SNTG1: variants seen among roughly 807,000 people sequenced by gnomAD.
The protein encoded by SNTG1 is syntrophin gamma 1.
Under a neutral mutation model 74.7 loss-of-function variants are expected in SNTG1, and 39 were observed. The ratio of observed to expected loss-of-function variants is 0.52; its 90% CI spans 0.40 to 0.68. SNTG1 has a LOEUF of 0.68. Among genes scored for constraint, SNTG1 ranks in the 30% least tolerant of loss-of-function variants. The pLI is 0.00. For synonymous variants in SNTG1, 254 were observed against 217.1 expected, an observed-to-expected ratio of 1.17 and a Z score of -1.49; for missense variants, 685 against 609.5, an observed-to-expected ratio of 1.12 and a Z score of -1.30.
chr8:50,083,048 T>G (rs1290646511), intron 1 of SNTG1, among the ~76,000 whole-genome samples: 2 of 152,166 alleles, frequency 1.3e-5, no homozygotes, highest in Non-Finnish European at 2.9e-5. Context: ...AGCTGCTGGT[T>G]TTCATATCCT....
intron 13 of SNTG1, among the ~76,000 whole-genome samples, chr8:50,646,857 G>C (rs916770431): frequency 6.6e-6 from 1 of 152,058 alleles, no homozygotes; most frequent in African/African-American, 2.4e-5. Flanking sequence ...GTTGTATTCA[G>C]TGAGAAGACA....
intron 13 of SNTG1, among the ~76,000 whole-genome samples, chr8:50,645,140 CATGTTTATTTTAT>C (rs554568461): frequency 0.87 from 132,019 of 150,998 alleles, 58,047 homozygotes; most frequent in African/African-American, 0.95. Flanking sequence ...AATATAGAAA[CATGTTTATTTTAT>C]AGAAGGTTCT....
At chr8:50,470,618 G>A (rs529436325) in intron 8 of SNTG1, among the ~76,000 whole-genome samples, 3 of 152,138 alleles carry the variant, frequency 2.0e-5, no homozygotes, top group African/African-American at 7.2e-5. Flanking sequence ...GCAGAGCTTC[G>A]CAGTGAGTGT....
chr8:50,340,522 G>A (rs1291405366), intron 2 of SNTG1, among the ~76,000 whole-genome samples: 1 of 151,888 alleles, frequency 6.6e-6, no homozygotes, highest in Non-Finnish European at 1.5e-5. Flanking sequence ...CCACATGAAA[G>A]AAATGAATAT....
At chr8:50,481,311 A>T (rs1277409038) in intron 8 of SNTG1, among the ~76,000 whole-genome samples, 1 of 152,060 alleles carries the variant, frequency 6.6e-6, no homozygotes, top group Non-Finnish European at 1.5e-5. Context: ...AACCCGGGAG[A>T]CGGAGGTTGC....
intron 1 of SNTG1, among the ~76,000 whole-genome samples, chr8:49,944,490 A>T (rs1039736076): frequency 3.2e-4 from 48 of 148,148 alleles, no homozygotes; most frequent in African/African-American, 1.2e-3. Flanking sequence ...AAAAAACCAA[A>T]CACTGCATGT....
intron 13 of SNTG1, among the ~76,000 whole-genome samples, chr8:50,635,318 T>C (rs1017516495): frequency 6.6e-6 from 1 of 152,086 alleles, no homozygotes; most frequent in African/African-American, 2.4e-5. Context: ...CTCAAGGCCC[T>C]AGCACTCTAC....
At chr8:50,386,429 T>C (rs1414811433) in intron 2 of SNTG1, among the ~76,000 whole-genome samples, 1 of 114,834 alleles carries the variant, frequency 8.7e-6, no homozygotes, top group Non-Finnish European at 1.8e-5. Flanking sequence ...CTGCAATTCT[T>C]TGGGGGAGGC....
chr8:50,754,011 G>A (rs2095574019), intron 18 of SNTG1, among the ~76,000 whole-genome samples: 1 of 151,934 alleles, frequency 6.6e-6, no homozygotes, highest in South Asian at 2.1e-4. Context: ...ATACTTGTGT[G>A]TATCACCTGA....
intron 1 of SNTG1, among the ~76,000 whole-genome samples, chr8:50,112,214 A>C (rs1344666702): frequency 6.6e-6 from 1 of 152,158 alleles, no homozygotes; most frequent in Non-Finnish European, 1.5e-5. Context: ...ACATAGATGT[A>C]ATCACCCTAA....
chr8:50,188,625 A>G (rs1180025960), intron 2 of SNTG1, among the ~76,000 whole-genome samples: 3 of 151,984 alleles, frequency 2.0e-5, no homozygotes, highest in Non-Finnish European at 4.4e-5. Context: ...TAACTTTCCT[A>G]TTCCTTCAAG....
At chr8:50,449,761 T>C (rs763506476) in intron 6 of SNTG1, 36 bp downstream of exon 6, 2 of 1,496,706 alleles carry the variant, frequency 1.3e-6, no homozygotes, top group Non-Finnish European at 1.8e-6. Context: ...CAGCCATTTC[T>C]TTAAGGCATT....
chr8:50,502,022 C>T (rs115310197), intron 8 of SNTG1, among the ~76,000 whole-genome samples: 21,216 of 151,838 alleles, frequency 0.14, 1,599 homozygotes, highest in African/African-American at 0.18. Flanking sequence ...AAAATTTGCA[C>T]ATGGCTTATA....
At chr8:50,100,403 C>T (rs1444714234) in intron 1 of SNTG1, among the ~76,000 whole-genome samples, 4 of 151,946 alleles carry the variant, frequency 2.6e-5, no homozygotes, top group Non-Finnish European at 5.9e-5. Flanking sequence ...TATATACTTT[C>T]AAACTGCTAA....
chr8:50,077,427 T>C (rs894160836), intron 1 of SNTG1, among the ~76,000 whole-genome samples: 1 of 152,196 alleles, frequency 6.6e-6, no homozygotes, highest in African/African-American at 2.4e-5. Context: ...TTTCTGTTTT[T>C]CTCTTTGAGG....
At chr8:50,569,634 A>C (rs947143911) in intron 12 of SNTG1, among the ~76,000 whole-genome samples, 2 of 152,208 alleles carry the variant, frequency 1.3e-5, no homozygotes, top group Non-Finnish European at 2.9e-5. Flanking sequence ...TGGAATAAAG[A>C]CTAACAGAAG....
intron 1 of SNTG1, among the ~76,000 whole-genome samples, chr8:49,949,909 T>C (rs941139817): frequency 6.6e-6 from 1 of 152,200 alleles, no homozygotes; most frequent in African/African-American, 2.4e-5. Flanking sequence ...GGAGGATTGC[T>C]TGAGCCTGGG....
chr8:50,601,346 G>GT (rs2094773826), intron 13 of SNTG1, among the ~76,000 whole-genome samples: 1 of 151,804 alleles, frequency 6.6e-6, no homozygotes, highest in South Asian at 2.1e-4. Context: ...GTTTCAAGAG[G>GT]TTTTTCAATT....
intron 2 of SNTG1, among the ~76,000 whole-genome samples, chr8:50,283,920 A>G (rs1226812202): frequency 6.6e-6 from 1 of 152,162 alleles, no homozygotes; most frequent in African/African-American, 2.4e-5. Context: ...TTTATGATTA[A>G]CATAGTATAT....
Sources: allele counts gnomAD v4.1 joint callset (sites outside exome capture counted in the v4.1 genomes callset), GRCh38; gene constraint gnomAD v4.1.1; transcripts MANE v1.5; gene names NCBI Gene and HGNC (gene_info 2026-07-23, HGNC 2026-07-21).